SRD5A3: variants seen among roughly 807,000 people sequenced by gnomAD.
SRD5A3 encodes the protein steroid 5 alpha-reductase 3, also known as polyprenal reductase.
In SRD5A3, 24 loss-of-function variants were observed where a neutral mutation model predicts 34.3. That is an observed-to-expected ratio of 0.70 (90% CI 0.51 to 0.99). The LOEUF (loss-of-function observed/expected upper bound fraction) is 0.99, where lower values mean the gene tolerates loss of function less well. SRD5A3 is among the 50% of genes least tolerant of loss of function. SRD5A3 has a pLI of 0.00. For missense variants in SRD5A3, 350 were observed against 388.2 expected (o/e 0.90, Z 0.83); for synonymous variants, 161 against 167.3 (o/e 0.96, Z 0.29).
intron 2 of SRD5A3, among the ~76,000 whole-genome samples, chr4:55,361,627 C>A (rs1204036206): frequency 6.6e-6 from 1 of 151,872 alleles, no homozygotes; most frequent in Non-Finnish European, 1.5e-5. Context: ...CATGGTGAAA[C>A]CCCCGTCTCT....
At chr4:55,353,675 C>G (rs140875215) in intron 1 of SRD5A3, among the ~76,000 whole-genome samples, 3 of 152,062 alleles carry the variant, frequency 2.0e-5, no homozygotes, top group South Asian at 2.1e-4. Context: ...CTGAAGTCAG[C>G]GAGACCACGA....
intron 1 of SRD5A3, among the ~76,000 whole-genome samples, chr4:55,348,718 A>C (rs143632029): frequency 9.7e-4 from 147 of 152,306 alleles, no homozygotes; most frequent in African/African-American, 2.7e-3. Flanking sequence ...TGTTATTGTC[A>C]TTATTCCCAT....
intron 2 of SRD5A3, among the ~76,000 whole-genome samples, chr4:55,362,704 C>A (rs1412187708): frequency 2.0e-5 from 3 of 151,836 alleles, no homozygotes; most frequent in African/African-American, 7.3e-5. Flanking sequence ...AGCGATCCTC[C>A]AACCTCAGCT....
chr4:55,349,613 A>C (rs1327933264), intron 1 of SRD5A3, among the ~76,000 whole-genome samples: 1 of 151,380 alleles, frequency 6.6e-6, no homozygotes, highest in East Asian at 1.9e-4. Context: ...TTTCCCAGGA[A>C]CTCTGAATAA....
At chr4:55,354,894 C>T (rs1262847675) in intron 1 of SRD5A3, among the ~76,000 whole-genome samples, 1 of 152,170 alleles carries the variant, frequency 6.6e-6, no homozygotes, top group Non-Finnish European at 1.5e-5. Flanking sequence ...CTGTTGTATC[C>T]CCAGAGCCTG....
chr4:55,369,554 A>C (rs1720041712), intron 4 of SRD5A3: 1 of 449,186 alleles, frequency 2.2e-6, no homozygotes, highest in African/African-American at 2.0e-5. Context: ...ACATAGGCAG[A>C]CCCTGTCTCT....
intron 2 of SRD5A3, 70 bp from the exon 3 acceptor site, chr4:55,364,004 G>C: frequency 6.6e-7 from 1 of 1,520,656 alleles, no homozygotes; most frequent in Non-Finnish European, 9.1e-7. Flanking sequence ...TTGCTTAACA[G>C]TACAGAAAAA....
chr4:55,363,990 T>C lies in SRD5A3; in HGVS notation c.365-84T>C, dbSNP rs555996858. The stretch of plus-strand genomic sequence containing the variant: ...AAGAAAGATGTTAGATGGGATTTAA[T>C]ACTTTGCTTAACAGTACAGAAAAAC... On this transcript the variant is annotated intron_variant, in intron 2 of 4. Transcript: ENST00000264228. 3.0e-6 allele frequency: 4 copies of C among 1,351,514 alleles called. No individual in the cohort carries two copies. In the African/African-American group the frequency reaches 4.3e-5, roughly 15 times the overall value. 83.7% of individuals were successfully genotyped at this position (1,351,514 alleles called of 1,614,324 possible).
At position 55,352,389 on chromosome 4, in the gene SRD5A3, G is replaced by C. The variant is rs1316066279; in HGVS notation, c.221+5832G>C. 7.7e-6 allele frequency: 6 copies of C among 777,856 alleles called. No homozygotes were observed. In the African/African-American group the frequency reaches 8.5e-5, roughly 11 times the overall value. 48.2% of individuals were successfully genotyped at this position (777,856 alleles called of 1,614,324 possible). A position where few individuals can be genotyped will look rare whatever the true frequency, so the allele number is the denominator to read the frequency against. On this transcript the variant is annotated intron_variant, in intron 1 of 4. Transcript: ENST00000264228. ...TCACTTCATGGTCGCATACTTCCTTGTTTTCTTTTGCTTCCCCATGGTCAC... is the reference window on the plus strand; with the variant it reads ...TCACTTCATGGTCGCATACTTCCTTCTTTTCTTTTGCTTCCCCATGGTCAC...
chr4:55,346,669 C>A, intron 1 of SRD5A3, 112 bp downstream of exon 1: 10 of 1,046,480 alleles, frequency 9.6e-6, no homozygotes, highest in Non-Finnish European at 1.3e-5. Context: ...GCCTGGGAGG[C>A]CCTGGCGGGT....
intron 1 of SRD5A3, among the ~76,000 whole-genome samples, chr4:55,354,392 G>A (rs1283296743): frequency 6.6e-6 from 1 of 152,178 alleles, no homozygotes; most frequent in African/African-American, 2.4e-5. Flanking sequence ...ACCGCGCTCG[G>A]CCAGCAAATA....
At chr4:55,350,906 G>A (rs1387662841) in intron 1 of SRD5A3, among the ~76,000 whole-genome samples, 1 of 150,340 alleles carries the variant, frequency 6.7e-6, no homozygotes, top group East Asian at 2.0e-4. Context: ...GGGATTACAG[G>A]CATGTGACAC....
At chr4:55,346,585 G>C (rs775132353) in intron 1 of SRD5A3, 28 bp downstream of exon 1, 2 of 1,553,892 alleles carry the variant, frequency 1.3e-6, no homozygotes, top group East Asian at 5.2e-5. Flanking sequence ...CCGAGCCGCG[G>C]TGGTCAAGGC....
chr4:55,352,341 C>T, intron 1 of SRD5A3: 5 of 792,648 alleles, frequency 6.3e-6, no homozygotes. Context: ...TTCTGTAAGC[C>T]TCTGATCCCT....
At chr4:55,367,439 A>C in intron 3 of SRD5A3, 149 bp from the exon 4 acceptor site, 1 of 876,954 alleles carries the variant, frequency 1.1e-6, no homozygotes, top group East Asian at 2.6e-5. Flanking sequence ...ATTGAGGAAC[A>C]GGTTCCCCTC....
intron 1 of SRD5A3, among the ~76,000 whole-genome samples, chr4:55,350,910 G>A (rs1159502685): frequency 6.6e-6 from 1 of 150,398 alleles, no homozygotes; most frequent in Non-Finnish European, 1.5e-5. Context: ...TTACAGGCAT[G>A]TGACACCACA....
chr4:55,358,520 A>G (rs1357558582), intron 1 of SRD5A3, among the ~76,000 whole-genome samples: 1 of 131,456 alleles, frequency 7.6e-6, no homozygotes, highest in Non-Finnish European at 1.6e-5. Context: ...TGGACAACAC[A>G]GCAAGACCCT....
At chr4:55,349,259 C>T (rs1018658619) in intron 1 of SRD5A3, among the ~76,000 whole-genome samples, 5 of 152,250 alleles carry the variant, frequency 3.3e-5, no homozygotes, top group Middle Eastern at 6.8e-3. Context: ...TGGTCTTGAA[C>T]TCGTGACCTC....
intron 2 of SRD5A3, among the ~76,000 whole-genome samples, chr4:55,362,868 AC>A (rs1719737285): frequency 7.0e-6 from 1 of 142,210 alleles, no homozygotes; most frequent in Non-Finnish European, 1.5e-5. Context: ...TTTAATGGAG[AC>A]AGAGTCTTGC....
Sources: gnomAD v4.1 joint callset for allele counts (sites outside exome capture counted in the v4.1 genomes callset) on GRCh38, gnomAD v4.1.1 for gene constraint, MANE v1.5 for transcripts, NCBI Gene and HGNC (gene_info 2026-07-23, HGNC 2026-07-21) for gene names.